The following C16orf89 variants were observed in gnomAD, a reference collection of about 807,000 sequenced individuals.
C16orf89 encodes UPF0764 protein C16orf89.
A neutral mutation model predicts 41.5 loss-of-function variants in C16orf89; 57 were observed. That is an observed-to-expected ratio of 1.38 (90% confidence interval 1.11 to 1.71). C16orf89 has a LOEUF of 1.71. Among genes scored for constraint, C16orf89 ranks in the 40% most tolerant of loss-of-function variants. C16orf89 has a pLI of 0.00. For synonymous variants in C16orf89, 223 were observed against 190.6 expected (o/e 1.17, Z -1.40); for missense variants, 575 against 445.9 (o/e 1.29, Z -2.61).
At chr16:5,064,178 A>G (rs1448108864) in intron 1 of C16orf89, among the ~76,000 whole-genome samples, 1 of 152,074 alleles carries the variant, frequency 6.6e-6, no homozygotes, top group African/African-American at 2.4e-5. Flanking sequence ...TGCACAATAA[A>G]TTTAATGCAC....
At chr16:5,047,632 T>C (rs1357505348) in intron 7 of C16orf89, among the ~76,000 whole-genome samples, 1 of 152,078 alleles carries the variant, frequency 6.6e-6, no homozygotes, top group Non-Finnish European at 1.5e-5. Flanking sequence ...CATGCCCAGC[T>C]AAGTTTTGTA....
intron 7 of C16orf89, among the ~76,000 whole-genome samples, chr16:5,046,606 C>T (rs777491266): frequency 7.2e-5 from 11 of 152,154 alleles, no homozygotes; most frequent in Non-Finnish European, 1.6e-4. Flanking sequence ...CCGCCTTAGC[C>T]TCCCAAAGTG....
intron 6 of C16orf89, among the ~76,000 whole-genome samples, chr16:5,054,244 C>T (rs1002523420): frequency 2.6e-5 from 4 of 152,178 alleles, no homozygotes; most frequent in Non-Finnish European, 2.9e-5. Context: ...CTCCTTGCAG[C>T]TCAGGAAGGT....
At chr16:5,046,719 T>A (rs1956304594) in intron 7 of C16orf89, among the ~76,000 whole-genome samples, 1 of 152,190 alleles carries the variant, frequency 6.6e-6, no homozygotes, top group South Asian at 2.1e-4. Flanking sequence ...TCCCTTCCTG[T>A]GTCCCCCTCC....
chr16:5,050,517 A>G (rs186507155), intron 6 of C16orf89, among the ~76,000 whole-genome samples: 25 of 152,330 alleles, frequency 1.6e-4, no homozygotes, highest in African/African-American at 6.0e-4. Flanking sequence ...CCAAAACAAA[A>G]AGCCCAGGAC....
At chr16:5,057,858 T>C (rs1956542191) in intron 4 of C16orf89, among the ~76,000 whole-genome samples, 2 of 152,006 alleles carry the variant, frequency 1.3e-5, no homozygotes, top group Admixed American at 6.6e-5. Flanking sequence ...TACAGAGTTC[T>C]TTCTGATGAT....
chr16:5,046,592 C>T (rs1396256164), intron 7 of C16orf89, among the ~76,000 whole-genome samples: 1 of 152,230 alleles, frequency 6.6e-6, no homozygotes, highest in Non-Finnish European at 1.5e-5. Flanking sequence ...CTCAGGTGTT[C>T]CACCCGCCTT....
chr16:5,059,131 T>A (rs972108117), intron 3 of C16orf89, among the ~76,000 whole-genome samples: 43 of 152,088 alleles, frequency 2.8e-4, no homozygotes, highest in African/African-American at 1.0e-3. Flanking sequence ...TCCCAGCTAC[T>A]CGGGAGGCTG....
intron 6 of C16orf89, among the ~76,000 whole-genome samples, chr16:5,052,946 A>C (rs547584508): frequency 9.8e-4 from 150 of 152,350 alleles, no homozygotes; most frequent in African/African-American, 3.5e-3. Context: ...ATTTCACCAT[A>C]AAAATAACCA....
chr16:5,057,370 G>GAT (rs201684843), intron 4 of C16orf89, among the ~76,000 whole-genome samples: 14,656 of 145,120 alleles, frequency 0.1, 876 homozygotes, highest in Non-Finnish European at 0.14. Flanking sequence ...TATATATCGT[G>GAT]ATATATATAT....
Position 5,047,927 on chromosome 16 carries a change from A to G in C16orf89, c.906T>C (p.Tyr302=). 1 of 1,604,454 alleles carries G rather than the reference A, an allele frequency of 6.2e-7. No individual in the cohort carries two copies. Among genetic ancestry groups the G allele is most frequent in the African/African-American group, 1.3e-5 (1 of 74,918 alleles). ...EDEELSKAIQ[Y]QQHFSRRVKR... ...TCACTCTCCTCGAAAAATGCTGCTG[A>G]TATTGAATAGCTTTAGATAATTCTT... is the stretch of plus-strand genomic sequence containing the variant. The change falls in exon 7 of 8, where the codon TAT becomes TAC. Residue 302 remains tyrosine, a synonymous_variant. Coordinates refer to ENST00000472572, the MANE Select transcript of C16orf89 (RefSeq NM_001098514.3).
At chr16:5,055,142 G>A in intron 6 of C16orf89, 104 bp downstream of exon 6, 1 of 990,724 alleles carries the variant, frequency 1.0e-6, no homozygotes. Flanking sequence ...AAATCCCTTG[G>A]CAACCTTAAC....
At chr16:5,043,899 T>G (rs558850644), downstream of C16orf89, 1 of 156,776 alleles carries the variant, frequency 6.4e-6, no homozygotes, top group South Asian at 2.0e-4. Context: ...ATACACCTGT[T>G]GTCCCAGCTA....
At chr16:5,053,369 C>A (rs1275340235) in intron 6 of C16orf89, among the ~76,000 whole-genome samples, 1 of 150,402 alleles carries the variant, frequency 6.6e-6, no homozygotes, top group African/African-American at 2.5e-5. Flanking sequence ...GACTCCATCT[C>A]TAAAAAAAAA....
Position 5,058,565 on chromosome 16 carries a change from G to T in C16orf89, c.555C>A (p.Ser185Arg). 1 of 1,612,794 alleles carries T rather than the reference G, an allele frequency of 6.2e-7. No homozygotes were observed. Among genetic ancestry groups the T allele is most frequent in the South Asian group, 1.1e-5 (1 of 91,046 alleles). Residue 185 changes from serine (S) to arginine (R), a missense_variant, in exon 4 of 8, where the codon AGC becomes AGA. By Grantham distance (110) the Ser-to-Arg change is moderately radical. Coordinates refer to ENST00000472572, the MANE Select transcript of C16orf89 (RefSeq NM_001098514.3). ...CTGAGCAGCCGGGCTTGGTCATGAG[G>T]CTCCTGCAGAGGTCTGAGAGGCCGC... ...EPCGLSDLCR[S>R]LMTKPGCSGY...
intron 6 of C16orf89, among the ~76,000 whole-genome samples, chr16:5,052,612 A>G (rs950931622): frequency 6.6e-6 from 1 of 152,134 alleles, no homozygotes; most frequent in Non-Finnish European, 1.5e-5. Flanking sequence ...AGAAAAAAAA[A>G]AAAGACAACA....
At chr16:5,047,732 C>T (rs1342965324) in intron 7 of C16orf89, 146 bp downstream of exon 7, 5 of 651,674 alleles carry the variant, frequency 7.7e-6, no homozygotes, top group South Asian at 1.7e-5. Context: ...GCCTCCCTTC[C>T]ACCTCTCAAC....
Position 5,047,932 on chromosome 16 carries a change from G to C in C16orf89, c.901C>G (p.Gln301Glu), listed in dbSNP as rs1226442450. ...CTCCTCGAAAAATGCTGCTGATATT[G>C]AATAGCTTTAGATAATTCTTCATCT... ...AEDEELSKAI[Q>E]YQQHFSRRVK... The change falls in exon 7 of 8, where the codon CAA becomes GAA. Residue 301 changes from glutamine to glutamate, a missense_variant. Physicochemically the swap from Gln to Glu is conservative, Grantham distance 29. Transcript: ENST00000472572. 1 of 1,602,952 alleles carries C rather than the reference G, an allele frequency of 6.2e-7. No homozygotes were observed. Among genetic ancestry groups the C allele is most frequent in the Non-Finnish European group, 8.5e-7 (1 of 1,170,960 alleles).
chr16:5,062,350 C>G lies in C16orf89; in HGVS notation c.358+75G>C, dbSNP rs1015014406. 15 of 1,486,424 alleles carry G rather than the reference C, an allele frequency of 1.0e-5. No individual in the cohort carries two copies. The African/African-American group carries it at 2.1e-4, about 21-fold the overall frequency. 92.1% of individuals were successfully genotyped at this position (1,486,424 alleles called of 1,614,324 possible). On this transcript the variant is annotated intron_variant, in intron 2 of 7. Coordinates refer to ENST00000472572, the MANE Select transcript of C16orf89 (RefSeq NM_001098514.3). Reference sequence around the variant, plus strand: ...CAGCCCAGCCTTGCCCCAGGAGAGCCCACGCTGGGTTATTTCAGTCAATAT... The same window carrying G: ...CAGCCCAGCCTTGCCCCAGGAGAGCGCACGCTGGGTTATTTCAGTCAATAT...
Sources: gnomAD v4.1 joint callset for allele counts (sites outside exome capture counted in the v4.1 genomes callset) on GRCh38, gnomAD v4.1.1 for gene constraint, MANE v1.5 for transcripts, NCBI Gene and HGNC (gene_info 2026-07-23, HGNC 2026-07-21) for gene names.